ZSWIM6: variants seen among roughly 807,000 people sequenced by gnomAD.
ZSWIM6 encodes zinc finger SWIM-type containing 6.
In ZSWIM6, 9 loss-of-function variants were observed where a neutral mutation model predicts 113.2. That is an observed-to-expected ratio of 0.08 (90% CI 0.05 to 0.14). The LOEUF (loss-of-function observed/expected upper bound fraction) is 0.14, where lower values mean the gene tolerates loss of function less well. Among genes scored for constraint, ZSWIM6 ranks in the 10% least tolerant of loss-of-function variants. ZSWIM6 has a pLI of 1.00. For missense variants in ZSWIM6, 1,162 were observed against 1,552.2 expected, an observed-to-expected ratio of 0.75 and a Z score of 4.22; for synonymous variants, 611 against 606.5, an observed-to-expected ratio of 1.01 and a Z score of -0.11.
intron 1 of ZSWIM6, among the ~76,000 whole-genome samples, chr5:61,468,277 T>A (rs886241341): frequency 1.3e-5 from 2 of 152,196 alleles, no homozygotes; most frequent in Admixed American, 6.5e-5. Context: ...TTTTCTTCAG[T>A]TCCTGCAGAT....
At chr5:61,518,792 A>G (rs1193017389) in intron 4 of ZSWIM6, among the ~76,000 whole-genome samples, 1 of 152,098 alleles carries the variant, frequency 6.6e-6, no homozygotes, top group Non-Finnish European at 1.5e-5. Context: ...CTTTAGTTTA[A>G]TTAGATCCCA....
At chr5:61,506,740 C>G (rs975805585) in intron 4 of ZSWIM6, among the ~76,000 whole-genome samples, 1 of 152,100 alleles carries the variant, frequency 6.6e-6, no homozygotes, top group African/African-American at 2.4e-5. Context: ...TGCCAGTGAT[C>G]TCCTATTTGT....
Position 61,378,758 on chromosome 5 carries a change from A to G in ZSWIM6, c.676+45810A>G, listed in dbSNP as rs571605083. Among the ~76,000 whole-genome samples, 6 of 152,016 alleles carry G rather than the reference A, an allele frequency of 3.9e-5. No individual in the cohort carries two copies. The South Asian group carries it at 6.2e-4, about 16-fold the overall frequency. ...TTTTAGTAGAGATGGGGTTTCTCAT[A>G]TTGGTCAGGCTGGTCTTGAACTCCT... On this transcript the variant is annotated intron_variant, in intron 1 of 13. Transcript: ENST00000252744.
intron 1 of ZSWIM6, among the ~76,000 whole-genome samples, chr5:61,392,093 A>G (rs904466736): frequency 2.6e-5 from 4 of 152,230 alleles, no homozygotes; most frequent in Admixed American, 6.5e-5. Flanking sequence ...AAACTGTGAC[A>G]TTGATAGGGT....
chr5:61,441,009 T>C (rs1180345139), intron 1 of ZSWIM6, among the ~76,000 whole-genome samples: 1 of 152,166 alleles, frequency 6.6e-6, no homozygotes, highest in East Asian at 1.9e-4. Context: ...TAGGTAACAG[T>C]GGCCTTTCGC....
At chr5:61,346,410 G>C (rs1215051771) in intron 1 of ZSWIM6, among the ~76,000 whole-genome samples, 1 of 152,132 alleles carries the variant, frequency 6.6e-6, no homozygotes, top group Non-Finnish European at 1.5e-5. Flanking sequence ...GGTTATAGTA[G>C]ATAATTCAAA....
At chr5:61,333,001 G>C (rs932950031) in intron 1 of ZSWIM6, 53 bp downstream of exon 1, 28 of 1,010,376 alleles carry the variant, frequency 2.8e-5, no homozygotes, top group Non-Finnish European at 3.2e-5. Context: ...TCCCTGGGTG[G>C]GGGGGGGGTG....
Position 61,383,977 on chromosome 5 carries a change from C to T in ZSWIM6, c.676+51029C>T, listed in dbSNP as rs563757055. On this transcript the variant is annotated intron_variant, in intron 1 of 13. Coordinates refer to ENST00000252744, the MANE Select transcript of ZSWIM6 (RefSeq NM_020928.2). The stretch of plus-strand genomic sequence containing the variant: ...CTGAGAGTGGCCGGGCGCGGTGGCT[C>T]ACGCCTGTAATCCCAGCACTTTGGG... Among the ~76,000 whole-genome samples the T allele has an allele frequency of 1.7e-4, 25 of 150,494 alleles. No individual in the cohort carries two copies. In the East Asian group the frequency reaches 4.7e-3, roughly 28 times the overall value.
chr5:61,386,896 G>A (rs1399214840), intron 1 of ZSWIM6, among the ~76,000 whole-genome samples: 1 of 152,072 alleles, frequency 6.6e-6, no homozygotes, highest in South Asian at 2.1e-4. Context: ...TATTTTTGAG[G>A]CTCTTTATCC....
intron 1 of ZSWIM6, chr5:61,347,745 T>C (rs2112035026): frequency 6.6e-6 from 1 of 152,322 alleles, no homozygotes; most frequent in African/African-American, 2.4e-5. Context: ...TGTGAAAATA[T>C]CCTAATTTAT....
chr5:61,488,223 G>A (rs552942057), intron 2 of ZSWIM6, among the ~76,000 whole-genome samples: 2 of 152,032 alleles, frequency 1.3e-5, no homozygotes, highest in African/African-American at 4.8e-5. Context: ...TTTGATCATG[G>A]TGTATAATCT....
At chr5:61,391,985 T>C (rs1745727024) in intron 1 of ZSWIM6, 1 of 426,564 alleles carries the variant, frequency 2.3e-6, no homozygotes, top group Non-Finnish European at 4.2e-6. Context: ...ATTTTGTGTA[T>C]ATTTTCCTTC....
At chr5:61,353,306 A>G (rs1744829306) in intron 1 of ZSWIM6, among the ~76,000 whole-genome samples, 1 of 152,152 alleles carries the variant, frequency 6.6e-6, no homozygotes, top group Non-Finnish European at 1.5e-5. Flanking sequence ...TGTGCTTTAC[A>G]AGCATGATTT....
intron 1 of ZSWIM6, among the ~76,000 whole-genome samples, chr5:61,352,535 C>T (rs766049220): frequency 6.6e-6 from 1 of 152,220 alleles, no homozygotes; most frequent in South Asian, 2.1e-4. Context: ...TATTGCTTCA[C>T]ACCCATCACA....
In ZSWIM6 at chr5:61,513,443, C is replaced by G. The variant is rs570955099; in HGVS notation, c.1334-7820C>G. On this transcript the variant is annotated intron_variant, in intron 4 of 13. Transcript: ENST00000252744. ...GTAACTTGTTTTCTCATTCTCTTAA[C>G]AGTGTCTTTTGTAGAATAAAACTTT... is the stretch of plus-strand genomic sequence containing the variant. Among the ~76,000 whole-genome samples the G allele has an allele frequency of 2.0e-5, 3 of 152,142 alleles. No individual in the cohort carries two copies. In the South Asian group the frequency reaches 6.2e-4, roughly 32 times the overall value.
intron 9 of ZSWIM6, among the ~76,000 whole-genome samples, chr5:61,533,702 G>A (rs1026007420): frequency 2.0e-5 from 3 of 152,188 alleles, no homozygotes; most frequent in African/African-American, 7.2e-5. Flanking sequence ...AGAAAATGAA[G>A]GAGAAATGAA....
intron 1 of ZSWIM6, among the ~76,000 whole-genome samples, chr5:61,345,700 C>T (rs1211439765): frequency 6.6e-6 from 1 of 152,122 alleles, no homozygotes; most frequent in Non-Finnish European, 1.5e-5. Flanking sequence ...CATCAGATGG[C>T]AGGATAACGT....
chr5:61,506,836 C>T (rs114971404), intron 4 of ZSWIM6, among the ~76,000 whole-genome samples: 1,639 of 152,104 alleles, frequency 0.011, 21 homozygotes, highest in African/African-American at 0.036. Flanking sequence ...TTATAATAGC[C>T]TCTGAGAACA....
intron 1 of ZSWIM6, among the ~76,000 whole-genome samples, chr5:61,440,911 T>C (rs1377519138): frequency 2.6e-5 from 4 of 152,206 alleles, no homozygotes; most frequent in Non-Finnish European, 5.9e-5. Flanking sequence ...TGTTGTGTGC[T>C]AAGGGCTATA....
Sources: gnomAD v4.1 joint callset for allele counts (sites outside exome capture counted in the v4.1 genomes callset) on GRCh38, gnomAD v4.1.1 for gene constraint, MANE v1.5 for transcripts, NCBI Gene and HGNC (gene_info 2026-07-23, HGNC 2026-07-21) for gene names.